PCDHA8: variants seen among roughly 807,000 people sequenced by gnomAD.
PCDHA8 encodes protocadherin alpha 8, also known as protocadherin alpha-8.
A neutral mutation model predicts 61.8 loss-of-function variants in PCDHA8; 53 were observed. The ratio of observed to expected loss-of-function variants is 0.86; its 90% CI spans 0.69 to 1.08. The LOEUF (loss-of-function observed/expected upper bound fraction) is 1.08, where lower values mean the gene tolerates loss of function less well. Ranked by LOEUF, PCDHA8 falls within the 50% of genes least tolerant of loss-of-function variation. The pLI, the probability that PCDHA8 is intolerant of heterozygous loss-of-function variation, is 0.00. For missense variants in PCDHA8, 1,293 were observed against 1,245.0 expected (o/e 1.04, Z -0.58); for synonymous variants, 618 against 556.6 (o/e 1.11, Z -1.55).
At chr5:140,850,328 GCAGCC>G (rs2150480020) in intron 1 of PCDHA8, 3 of 1,597,678 alleles carry the variant, frequency 1.9e-6, no homozygotes, top group South Asian at 2.2e-5. Context: ...CATACGAGCT[GCAGCC>G]AGAAACGGCC....
intron 1 of PCDHA8, chr5:140,927,767 A>G (rs2084615997): frequency 6.2e-7 from 1 of 1,614,176 alleles, no homozygotes. Context: ...AAAAGTGGGG[A>G]GGTGCAAGTA....
intron 1 of PCDHA8, chr5:140,871,632 T>G (rs1554165792): frequency 7.2e-7 from 1 of 1,380,660 alleles, no homozygotes; most frequent in Non-Finnish European, 9.6e-7. Context: ...ACAATGTCTG[T>G]TCATAAAATA....
At chr5:140,984,869 T>C (rs1587042657) in intron 3 of PCDHA8, among the ~76,000 whole-genome samples, 1 of 152,174 alleles carries the variant, frequency 6.6e-6, no homozygotes, top group East Asian at 1.9e-4. Flanking sequence ...ACCTATTTTA[T>C]TGAGTTACCA....
At chr5:140,908,933 C>T (rs1554193565) in intron 1 of PCDHA8, among the ~76,000 whole-genome samples, 1 of 152,186 alleles carries the variant, frequency 6.6e-6, no homozygotes, top group East Asian at 1.9e-4. Context: ...AATGCAGCAA[C>T]TTATCCTTCA....
At chr5:140,881,469 T>C (rs879988017) in intron 1 of PCDHA8, 3 of 570,626 alleles carry the variant, frequency 5.3e-6, no homozygotes, top group Non-Finnish European at 6.7e-6. Context: ...AGCATTGTTG[T>C]GGCTAAATTA....
intron 1 of PCDHA8, among the ~76,000 whole-genome samples, chr5:140,881,102 T>C (rs1470850677): frequency 1.3e-5 from 2 of 152,230 alleles, no homozygotes; most frequent in African/African-American, 4.8e-5. Flanking sequence ...ATTACACCAT[T>C]TGGCCTGGGA....
chr5:140,855,887 C>A, intron 1 of PCDHA8: 1 of 985,610 alleles, frequency 1.0e-6, no homozygotes, highest in Non-Finnish European at 1.5e-6. Flanking sequence ...CTTTTTAGAA[C>A]AAAGGCATCA....
chr5:140,966,894 A>G, intron 1 of PCDHA8: 1 of 1,596,438 alleles, frequency 6.3e-7, no homozygotes, highest in Non-Finnish European at 8.5e-7. Flanking sequence ...GCGGCCTCCC[A>G]GCTGCGATAC....
intron 1 of PCDHA8, among the ~76,000 whole-genome samples, chr5:140,963,448 A>G (rs567394961): frequency 1.3e-5 from 2 of 152,370 alleles, no homozygotes; most frequent in Non-Finnish European, 2.9e-5. Flanking sequence ...CTCTGTTGCT[A>G]AAGTATTTCT....
chr5:140,901,899 T>C (rs1439841120), intron 1 of PCDHA8, among the ~76,000 whole-genome samples: 2 of 152,152 alleles, frequency 1.3e-5, no homozygotes, highest in Non-Finnish European at 2.9e-5. Flanking sequence ...ATATTTTTCA[T>C]TGTGGAGATC....
At chr5:140,926,575 C>T in intron 1 of PCDHA8, 1 of 273,448 alleles carries the variant, frequency 3.7e-6, no homozygotes, top group Non-Finnish European at 6.8e-6. Flanking sequence ...CTGGAGACAG[C>T]ACCTCTCGCG....
chr5:140,857,377 G>A (rs1347476888), intron 1 of PCDHA8: 1 of 1,598,358 alleles, frequency 6.3e-7, no homozygotes, highest in African/African-American at 1.3e-5. Context: ...TGTCTGTGGA[G>A]GTGGCCGACG....
chr5:140,903,346 A>G (rs76789733), intron 1 of PCDHA8, among the ~76,000 whole-genome samples: 12,326 of 152,302 alleles, frequency 0.081, 540 homozygotes, highest in Middle Eastern at 0.13. Context: ...TGCATTTTAA[A>G]AAACAAGTTT....
At position 140,857,364 on chromosome 5, in the gene PCDHA8, G is replaced by A. The variant is rs1464300143; in HGVS notation, c.2394+13649G>A. The A allele has an allele frequency of 2.5e-6, 4 of 1,598,296 alleles. No individual in the cohort carries two copies. In the East Asian group the frequency reaches 8.9e-5, roughly 36 times the overall value. On this transcript the variant is annotated intron_variant, in intron 1 of 3. Coordinates refer to ENST00000531613, the MANE Select transcript of PCDHA8 (RefSeq NM_018911.3). ...TCGCCTCCGCTGTGGGCCACGGCCA[G>A]CGTGTCTGTGGAGGTGGCCGACGTG...
chr5:140,936,272 C>T lies in PCDHA8; in HGVS notation c.2395-42677C>T, dbSNP rs1303356923. 2.0e-5 allele frequency among the ~76,000 whole-genome samples: 3 copies of T among 152,254 alleles called. No individual in the cohort carries two copies. In the East Asian group the frequency reaches 5.8e-4, roughly 29 times the overall value. On this transcript the variant is annotated intron_variant, in intron 1 of 3. Transcript: ENST00000531613. Reference sequence around the variant, plus strand: ...TGCTTCAAGTCATGAAGATATATTCCTGTGTTTTCTTCTATAACATTGCTA... The same window carrying T: ...TGCTTCAAGTCATGAAGATATATTCTTGTGTTTTCTTCTATAACATTGCTA...
At chr5:140,964,118 C>G (rs1325218833) in intron 1 of PCDHA8, among the ~76,000 whole-genome samples, 1 of 151,942 alleles carries the variant, frequency 6.6e-6, no homozygotes, top group African/African-American at 2.4e-5. Flanking sequence ...CAATCACATT[C>G]TAACAACTAG....
intron 1 of PCDHA8, chr5:140,927,755 C>T (rs1388061408): frequency 6.2e-7 from 1 of 1,614,196 alleles, no homozygotes; most frequent in South Asian, 1.1e-5. Flanking sequence ...CACGTGCACC[C>T]TAAAAGTGGG....
chr5:140,862,553 C>T (rs561370771), intron 1 of PCDHA8: 12 of 463,418 alleles, frequency 2.6e-5, no homozygotes, highest in Non-Finnish European at 4.4e-5. Context: ...AGTGGCCGAA[C>T]AGTGAACCAC....
intron 1 of PCDHA8, chr5:140,967,070 A>C (rs781831975): frequency 6.2e-7 from 1 of 1,613,072 alleles, no homozygotes; most frequent in South Asian, 1.1e-5. Context: ...GCTCTTCGTC[A>C]ACGAGCGCAT....
Sources: allele counts gnomAD v4.1 joint callset (sites outside exome capture counted in the v4.1 genomes callset), GRCh38; gene constraint gnomAD v4.1.1; transcripts MANE v1.5; gene names NCBI Gene and HGNC (gene_info 2026-07-23, HGNC 2026-07-21).